The following IPO5 variants were observed in gnomAD, a reference collection of about 807,000 sequenced individuals.
IPO5 encodes the protein importin 5.
Under a neutral mutation model 143.3 loss-of-function variants are expected in IPO5, and 18 were observed. That is an observed-to-expected ratio of 0.13 (90% CI 0.09 to 0.19). IPO5 has a LOEUF of 0.19. Ranked by LOEUF, IPO5 falls within the 10% of genes least tolerant of loss-of-function variation. The probability of loss-of-function intolerance (pLI) is 1.00; values close to 1 mark genes in which losing one functional copy is unlikely to be tolerated. For synonymous variants in IPO5, 477 were observed against 465.7 expected (o/e 1.02, Z -0.31); for missense variants, 1,013 against 1,336.9 (o/e 0.76, Z 3.78).
intron 2 of IPO5, among the ~76,000 whole-genome samples, chr13:97,958,023 G>A (rs1224446719): frequency 6.6e-6 from 1 of 152,084 alleles, no homozygotes; most frequent in East Asian, 1.9e-4. Context: ...AGAAACCCTT[G>A]CAATCAGAAA....
In IPO5 at chr13:98,010,780, CT is replaced by C. The variant is rs71117688; in HGVS notation, c.2055+574del. On this transcript the variant is annotated intron_variant, in intron 20 of 28. Coordinates refer to ENST00000651721, the MANE Select transcript of IPO5 (RefSeq NM_002271.6). Reference sequence around the variant, plus strand: ...ATGCGTTTTAAAGTGAAGGATAATCCTTTTTTTTTTTTTTTTTTGAGGTGGA... The same window carrying C: ...ATGCGTTTTAAAGTGAAGGATAATCCTTTTTTTTTTTTTTTTTGAGGTGGA... 7.1e-4 allele frequency among the ~76,000 whole-genome samples: 50 copies of C among 70,026 alleles called. 2 individuals are homozygous for C. The highest frequency in any genetic ancestry group is 8.6e-3 in the Middle Eastern group (1 of 116). 45.9% of individuals were successfully genotyped at this position (70,026 alleles called of 152,430 possible).
chr13:97,992,645 A>G (rs889105815), intron 9 of IPO5, among the ~76,000 whole-genome samples: 1 of 152,338 alleles, frequency 6.6e-6, no homozygotes, highest in South Asian at 2.1e-4. Flanking sequence ...AATGGTTATT[A>G]TAGTTTCACT....
At chr13:97,989,221 C>G in intron 7 of IPO5, 57 bp downstream of exon 7, 1 of 862,926 alleles carries the variant, frequency 1.2e-6, no homozygotes. Context: ...CCCTAAACAC[C>G]TTTTAACTGA....
rs766913595 is a variant in IPO5, at chr13:98,008,035, G to A, written c.1717-24G>A. ...GAAACAAAATTCGGTATCAACAAGT[G>A]TGTCTCTACATATTTTCCTCTAGTT... is the stretch of plus-strand genomic sequence containing the variant. On this transcript the variant is annotated intron_variant, in intron 17 of 28. Coordinates refer to ENST00000651721, the MANE Select transcript of IPO5 (RefSeq NM_002271.6). 5 of 1,491,436 alleles carry A rather than the reference G, an allele frequency of 3.4e-6. No individual in the cohort carries two copies. In the East Asian group the frequency reaches 6.8e-5, roughly 20 times the overall value. 92.4% of individuals were successfully genotyped at this position (1,491,436 alleles called of 1,614,324 possible). A position where few individuals can be genotyped will look rare whatever the true frequency, so the allele number is the denominator to read the frequency against.
intron 3 of IPO5, among the ~76,000 whole-genome samples, chr13:97,974,948 T>C (rs1291781033): frequency 6.6e-6 from 1 of 152,180 alleles, no homozygotes; most frequent in African/African-American, 2.4e-5. Flanking sequence ...TGCACGTGGA[T>C]CCCAGGGCTC....
At chr13:97,985,366 G>C (rs1594065767) in intron 5 of IPO5, 55 bp from the exon 6 acceptor site, 1 of 1,385,560 alleles carries the variant, frequency 7.2e-7, no homozygotes. Flanking sequence ...ATACAACAGT[G>C]AAATACATCA....
chr13:97,994,631 A>G (rs778342075), intron 11 of IPO5, among the ~76,000 whole-genome samples: 63 of 152,194 alleles, frequency 4.1e-4, no homozygotes, highest in Non-Finnish European at 6.8e-4. Context: ...CAATCCTGAA[A>G]TTCTTCTGAA....
intron 2 of IPO5, among the ~76,000 whole-genome samples, chr13:97,957,171 C>G (rs949223944): frequency 5.5e-4 from 83 of 151,650 alleles, no homozygotes; most frequent in African/African-American, 2.0e-3. Flanking sequence ...CTTTTGACCT[C>G]TTAATATTAG....
Position 98,006,335 on chromosome 13 carries a change from T to C in IPO5, c.1703T>C (p.Val568Ala). Reference protein sequence around the residue: ...IECISLIGLAVGKEKFMQDAS... With the variant: ...IECISLIGLAAGKEKFMQDAS... ...TGCATTAGCCTCATTGGTCTGGCTG[T>C]TGGGAAGGAAAAAGTAAGTAATTTT... Residue 568 changes from valine to alanine, a missense_variant, in exon 17 of 29, where the codon GTT (valine) becomes GCT (alanine). Physicochemically the swap from Val to Ala is moderately conservative, Grantham distance 64 (BLOSUM62 0). Transcript: ENST00000651721. 1 of 1,431,334 alleles carries C rather than the reference T, an allele frequency of 7.0e-7. No homozygotes were observed. The highest frequency in any genetic ancestry group is 1.3e-5 in the South Asian group (1 of 79,590). 88.7% of individuals were successfully genotyped at this position (1,431,334 alleles called of 1,614,324 possible).
At chr13:97,968,831 G>A (rs1052017757) in intron 2 of IPO5, among the ~76,000 whole-genome samples, 3 of 151,628 alleles carry the variant, frequency 2.0e-5, no homozygotes, top group Non-Finnish European at 4.4e-5. Context: ...ACAGAGTACA[G>A]CCGCCTGCCA....
At position 97,997,520 on chromosome 13, in the gene IPO5, GTTTAC is replaced by G. The variant is rs1888399941; in HGVS notation, c.914-6_914-2del. 1 of 1,532,218 alleles carries G rather than the reference GTTTAC, an allele frequency of 6.5e-7. No individual in the cohort carries two copies. The highest frequency in any genetic ancestry group is 9.0e-7 in the Non-Finnish European group (1 of 1,108,956). The allele number at this position is 1,532,218 out of a possible 1,614,324, so 94.9% of individuals were successfully genotyped here. A position where few individuals can be genotyped will look rare whatever the true frequency, so the allele number is the denominator to read the frequency against. On this transcript the variant is annotated splice_polypyrimidine_tract_variant and splice_region_variant and intron_variant, in intron 11 of 28. Transcript: ENST00000651721. ...CACAGTCTTCGGGTATGAAATAATT[GTTTAC>G]TTTAGTTCCTCAGATGTTAGCAATG...
intron 2 of IPO5, among the ~76,000 whole-genome samples, chr13:97,957,067 G>C (rs1884513120): frequency 6.6e-6 from 1 of 152,118 alleles, no homozygotes; most frequent in South Asian, 2.1e-4. Context: ...CTTTAAAAGG[G>C]TAGGGTTTAT....
intron 4 of IPO5, among the ~76,000 whole-genome samples, chr13:97,980,992 G>A (rs1886795110): frequency 6.6e-6 from 1 of 152,160 alleles, no homozygotes; most frequent in African/African-American, 2.4e-5. Flanking sequence ...ATAAGGAGTT[G>A]CTTTGGTAAA....
chr13:97,988,064 C>G (rs592246), intron 6 of IPO5: 18,769 of 239,912 alleles, frequency 0.078, 1,285 homozygotes, highest in East Asian at 0.33. Context: ...GTTCAAATAT[C>G]GGGGGACGTT....
Position 97,997,585 on chromosome 13 carries a change from A to G in IPO5, c.968A>G (p.Asn323Ser). 1 of 1,610,808 alleles carries G rather than the reference A, an allele frequency of 6.2e-7. No homozygotes were observed. The highest frequency in any genetic ancestry group is 1.1e-5 in the South Asian group (1 of 90,682). ...TTGGAAGAAGATGAGGACTGGGCAA[A>G]TGCAGATGAACTAGAAGATGATGAT... ...VDLEEDEDWA[N>S]ADELEDDDFD... The change falls in exon 12 of 29, where the codon AAT becomes AGT. Residue 323 changes from asparagine to serine, a missense_variant. Asn to Ser is a conservative substitution (Grantham distance 46). Coordinates refer to ENST00000651721, the MANE Select transcript of IPO5 (RefSeq NM_002271.6).
At chr13:97,993,799 T>C (rs1468650864) in intron 11 of IPO5, among the ~76,000 whole-genome samples, 1 of 150,166 alleles carries the variant, frequency 6.7e-6, no homozygotes, top group Non-Finnish European at 1.5e-5. Flanking sequence ...CTTAATGAGC[T>C]AATGAGTACT....
At chr13:97,969,933 A>G in intron 3 of IPO5, 103 bp downstream of exon 3, 1 of 818,572 alleles carries the variant, frequency 1.2e-6, no homozygotes, top group African/African-American at 1.8e-5. Context: ...TCCTGGTCTC[A>G]GGCAATCCTC....
chr13:97,989,667 C>T (rs566072498), intron 7 of IPO5, among the ~76,000 whole-genome samples: 9 of 152,234 alleles, frequency 5.9e-5, no homozygotes, highest in African/African-American at 2.2e-4. Context: ...TTTTTTACTA[C>T]ACCTAAAATG....
intron 13 of IPO5, chr13:98,002,223 A>C: frequency 3.9e-6 from 1 of 255,236 alleles, no homozygotes; most frequent in South Asian, 1.1e-4. Flanking sequence ...CACCACGTTA[A>C]CCAGGATGGT....
Sources: allele counts gnomAD v4.1 joint callset (sites outside exome capture counted in the v4.1 genomes callset), GRCh38; gene constraint gnomAD v4.1.1; transcripts MANE v1.5; gene names NCBI Gene and HGNC (gene_info 2026-07-23, HGNC 2026-07-21).